Variants in NEGR1 observed in about 807,000 individuals in gnomAD.
NEGR1 encodes the protein neuronal growth regulator 1.
Under a neutral mutation model 40.9 loss-of-function variants are expected in NEGR1, and 10 were observed. The observed-to-expected ratio is 0.24, with a 90% CI of 0.15 to 0.42. The LOEUF (loss-of-function observed/expected upper bound fraction) is 0.42. Ranked by LOEUF, NEGR1 falls within the 10% of genes least tolerant of loss-of-function variation. The pLI is 1.00. For synonymous variants in NEGR1, 185 were observed against 166.8 expected (o/e 1.11, Z -0.84); for missense variants, 352 against 438.9 (o/e 0.80, Z 1.77).
chr1:72,265,290 G>C (rs1276807706), intron 1 of NEGR1, among the ~76,000 whole-genome samples: 5 of 150,924 alleles, frequency 3.3e-5, no homozygotes, highest in Non-Finnish European at 3.0e-5. Context: ...TCATTAGGAA[G>C]ATAGTTTTGT....
At chr1:71,742,212 C>A (rs1255125314) in intron 3 of NEGR1, among the ~76,000 whole-genome samples, 1 of 152,146 alleles carries the variant, frequency 6.6e-6, no homozygotes, top group Non-Finnish European at 1.5e-5. Context: ...GCACCAGGAA[C>A]CAAATCAGCC....
chr1:71,930,814 T>G (rs1645848715), intron 2 of NEGR1, among the ~76,000 whole-genome samples: 1 of 152,152 alleles, frequency 6.6e-6, no homozygotes. Context: ...TAGTAAGAAG[T>G]AGAGCTGCAA....
At chr1:72,150,723 T>G (rs186169034) in intron 1 of NEGR1, among the ~76,000 whole-genome samples, 1 of 152,172 alleles carries the variant, frequency 6.6e-6, no homozygotes, top group Non-Finnish European at 1.5e-5. Flanking sequence ...TGCTGGTGAA[T>G]TTTAGGTTTT....
intron 2 of NEGR1, among the ~76,000 whole-genome samples, chr1:71,863,188 G>A (rs909241928): frequency 6.6e-6 from 1 of 152,076 alleles, no homozygotes; most frequent in Admixed American, 6.6e-5. Flanking sequence ...GCAAAGACAT[G>A]GAATCACTCC....
At position 71,598,109 on chromosome 1, in the gene NEGR1, CT is replaced by C. The variant is rs1649790498; in HGVS notation, c.789-5142del. On this transcript the variant is annotated intron_variant, in intron 5 of 6. Coordinates refer to ENST00000357731, the MANE Select transcript of NEGR1 (RefSeq NM_173808.3). ...ATTTAAGAAGATTAGGTTAATTTAT[CT>C]TGCACCATCTGACAAGTGGCAGAAT... Among the ~76,000 whole-genome samples, 4 of 152,118 alleles carry C rather than the reference CT, an allele frequency of 2.6e-5. No individual in the cohort carries two copies. The South Asian group carries it at 8.3e-4, about 32-fold the overall frequency.
At chr1:71,664,752 T>C (rs6704081) in intron 4 of NEGR1, among the ~76,000 whole-genome samples, 75,159 of 151,580 alleles carry the variant, frequency 0.5, 18,630 homozygotes, top group Middle Eastern at 0.55. Flanking sequence ...ATCTCTTTGG[T>C]AAGGTTAGAG....
At chr1:71,524,297 G>C (rs1647190259) in intron 6 of NEGR1, among the ~76,000 whole-genome samples, 1 of 144,234 alleles carries the variant, frequency 6.9e-6, no homozygotes, top group African/African-American at 2.5e-5. Flanking sequence ...AGATCTTGGA[G>C]TCTTCTTTTT....
chr1:71,976,596 T>C (rs892245063), intron 1 of NEGR1, among the ~76,000 whole-genome samples: 1 of 152,224 alleles, frequency 6.6e-6, no homozygotes, highest in African/African-American at 2.4e-5. Context: ...AATAATTATC[T>C]TTTTGTATTT....
chr1:72,085,968 CAAAAAAAAAA>C (rs36028456), intron 1 of NEGR1, among the ~76,000 whole-genome samples: 1 of 63,058 alleles, frequency 1.6e-5, no homozygotes, highest in Non-Finnish European at 3.2e-5. Context: ...GACTCTGTCT[CAAAAAAAAAA>C]AAAAAAAAAA....
chr1:72,008,175 A>G (rs1235763399), intron 1 of NEGR1, among the ~76,000 whole-genome samples: 2 of 152,094 alleles, frequency 1.3e-5, no homozygotes, highest in African/African-American at 4.8e-5. Context: ...AATTATTACT[A>G]TGCACATTTT....
chr1:71,984,018 G>A (rs1213243869), intron 1 of NEGR1, among the ~76,000 whole-genome samples: 1 of 119,004 alleles, frequency 8.4e-6, no homozygotes, highest in African/African-American at 2.7e-5. Flanking sequence ...TTAATAAAAT[G>A]TGTCTCTGAA....
At chr1:72,112,690 G>A (rs139069446) in intron 1 of NEGR1, among the ~76,000 whole-genome samples, 5 of 149,904 alleles carry the variant, frequency 3.3e-5, no homozygotes, top group Non-Finnish European at 4.5e-5. Flanking sequence ...GAGGGGGAAA[G>A]AAAAAAAAAT....
intron 6 of NEGR1, among the ~76,000 whole-genome samples, chr1:71,506,953 A>G: frequency 6.6e-6 from 1 of 152,230 alleles, no homozygotes; most frequent in East Asian, 1.9e-4. Flanking sequence ...AGCTCCTTGA[A>G]GGTCAAGATG....
chr1:71,833,631 C>T (rs1193305865), intron 2 of NEGR1, among the ~76,000 whole-genome samples: 1 of 152,060 alleles, frequency 6.6e-6, no homozygotes, highest in Non-Finnish European at 1.5e-5. Flanking sequence ...TCCAGCAATA[C>T]AAAAGCTGGG....
chr1:71,593,931 T>C (rs1044264734), intron 5 of NEGR1, among the ~76,000 whole-genome samples: 1 of 152,226 alleles, frequency 6.6e-6, no homozygotes, highest in Admixed American at 6.5e-5. Flanking sequence ...AGTTTCCATA[T>C]ATACAAGTCT....
intron 1 of NEGR1, among the ~76,000 whole-genome samples, chr1:72,207,031 C>A (rs1653428724): frequency 6.9e-6 from 1 of 144,862 alleles, no homozygotes; most frequent in African/African-American, 2.6e-5. Context: ...GTGGCAGGCC[C>A]ATGAGGAATT....
At chr1:71,681,242 T>C (rs1652826892) in intron 4 of NEGR1, among the ~76,000 whole-genome samples, 1 of 152,370 alleles carries the variant, frequency 6.6e-6, no homozygotes. Context: ...CAAGTTTCTA[T>C]TCTTTCTGTA....
intron 2 of NEGR1, among the ~76,000 whole-genome samples, chr1:71,913,271 C>T (rs928535336): frequency 3.9e-5 from 6 of 151,974 alleles, no homozygotes; most frequent in African/African-American, 1.2e-4. Flanking sequence ...CCTGCCACCA[C>T]GCCCAGCTAA....
intron 6 of NEGR1, among the ~76,000 whole-genome samples, chr1:71,541,391 G>A (rs963401333): frequency 8.6e-5 from 13 of 151,580 alleles, no homozygotes; most frequent in Admixed American, 6.6e-4. Flanking sequence ...CATATTAGAC[G>A]ACTGACAAAT....
Sources: gnomAD v4.1 joint callset for allele counts (sites outside exome capture counted in the v4.1 genomes callset) on GRCh38, gnomAD v4.1.1 for gene constraint, MANE v1.5 for transcripts, NCBI Gene and HGNC (gene_info 2026-07-23, HGNC 2026-07-21) for gene names.